The following GPR39 variants were observed in gnomAD, a reference collection of about 807,000 sequenced individuals.
GPR39 encodes G protein-coupled receptor 39.
GPR39 carries 23 observed loss-of-function variants against 18.4 expected under a neutral mutation model. That is an observed-to-expected ratio of 1.25 (90% CI 0.90 to 1.77). The LOEUF is 1.77. GPR39 is among the 40% of genes most tolerant of loss of function. The pLI is 0.00. For missense variants in GPR39, 647 were observed against 602.4 expected, an observed-to-expected ratio of 1.07 and a Z score of -0.78; for synonymous variants, 280 against 257.9, an observed-to-expected ratio of 1.09 and a Z score of -0.82.
chr2:132,514,978 G>A (rs1028792389), intron 1 of GPR39, among the ~76,000 whole-genome samples: 13 of 151,998 alleles, frequency 8.6e-5, no homozygotes, highest in African/African-American at 2.9e-4. Context: ...CAATTATTTC[G>A]AGGAAATGCA....
chr2:132,510,008 C>T (rs555453883), intron 1 of GPR39, among the ~76,000 whole-genome samples: 2 of 152,306 alleles, frequency 1.3e-5, no homozygotes, highest in East Asian at 3.9e-4. Context: ...ATTTCCCAAG[C>T]AGTAACTTTA....
At chr2:132,634,223 A>G (rs1336151844) in intron 1 of GPR39, among the ~76,000 whole-genome samples, 2 of 152,100 alleles carry the variant, frequency 1.3e-5, no homozygotes, top group Non-Finnish European at 2.9e-5. Context: ...TGAGATGGTC[A>G]TAATTGACAG....
intron 1 of GPR39, among the ~76,000 whole-genome samples, chr2:132,546,248 G>A (rs1679946525): frequency 6.6e-6 from 1 of 152,204 alleles, no homozygotes; most frequent in African/African-American, 2.4e-5. Context: ...TTGTAAGTCA[G>A]TAGGAGTGGG....
At chr2:132,422,838 G>C (rs1454404706) in intron 1 of GPR39, among the ~76,000 whole-genome samples, 1 of 151,940 alleles carries the variant, frequency 6.6e-6, no homozygotes, top group Non-Finnish European at 1.5e-5. Context: ...GAGATGCATA[G>C]TTTCCGAGGA....
chr2:132,501,125 G>T (rs1292473835), intron 1 of GPR39, among the ~76,000 whole-genome samples: 3 of 119,704 alleles, frequency 2.5e-5, no homozygotes, highest in Non-Finnish European at 5.1e-5. Context: ...CTTTTCTTCT[G>T]CTGGGTTTGG....
intron 1 of GPR39, among the ~76,000 whole-genome samples, chr2:132,634,834 C>T (rs1203225055): frequency 6.6e-6 from 1 of 152,132 alleles, no homozygotes; most frequent in Admixed American, 6.5e-5. Flanking sequence ...TTTCTGTGTC[C>T]TGTTATACCC....
intron 1 of GPR39, among the ~76,000 whole-genome samples, chr2:132,478,745 G>C (rs1681176286): frequency 6.6e-6 from 1 of 152,182 alleles, no homozygotes; most frequent in African/African-American, 2.4e-5. Flanking sequence ...TGAAGTAATT[G>C]AATATTTTTC....
intron 1 of GPR39, among the ~76,000 whole-genome samples, chr2:132,498,648 A>G (rs2104801631): frequency 6.6e-6 from 1 of 152,268 alleles, no homozygotes; most frequent in African/African-American, 2.4e-5. Context: ...AGGAATCTTC[A>G]CACTGTTTTC....
intron 1 of GPR39, among the ~76,000 whole-genome samples, chr2:132,555,608 C>T (rs1435583401): frequency 6.6e-6 from 1 of 152,156 alleles, no homozygotes; most frequent in African/African-American, 2.4e-5. Context: ...AGCTTTGATG[C>T]CTTTGATGAT....
At chr2:132,464,126 C>T (rs528543336) in intron 1 of GPR39, among the ~76,000 whole-genome samples, 11 of 152,322 alleles carry the variant, frequency 7.2e-5, no homozygotes, top group East Asian at 5.8e-4. Context: ...TTAAAAATCA[C>T]GTAGTTCTTA....
At chr2:132,438,033 T>C (rs1203964324) in intron 1 of GPR39, among the ~76,000 whole-genome samples, 1 of 152,226 alleles carries the variant, frequency 6.6e-6, no homozygotes, top group Non-Finnish European at 1.5e-5. Flanking sequence ...TTGCCAAAAG[T>C]CTGGCAACAG....
At chr2:132,581,576 G>A (rs185412187) in intron 1 of GPR39, among the ~76,000 whole-genome samples, 2 of 152,024 alleles carry the variant, frequency 1.3e-5, no homozygotes, top group East Asian at 3.9e-4. Context: ...CAACATGTGG[G>A]GCAGGCACTG....
intron 1 of GPR39, among the ~76,000 whole-genome samples, chr2:132,590,491 T>C (rs1368490056): frequency 2.6e-5 from 4 of 151,646 alleles, no homozygotes; most frequent in Non-Finnish European, 5.9e-5. Flanking sequence ...GAATGAGGAG[T>C]GGACTAGGCG....
At chr2:132,420,829 A>C (rs1465558328) in intron 1 of GPR39, among the ~76,000 whole-genome samples, 1 of 152,232 alleles carries the variant, frequency 6.6e-6, no homozygotes, top group Non-Finnish European at 1.5e-5. Context: ...GCTGGTGAAT[A>C]AGGAAAACAC....
At chr2:132,457,731 G>C (rs1184375918) in intron 1 of GPR39, among the ~76,000 whole-genome samples, 1 of 152,250 alleles carries the variant, frequency 6.6e-6, no homozygotes, top group African/African-American at 2.4e-5. Context: ...GCTATGTTTT[G>C]CCCACAGAGG....
intron 1 of GPR39, among the ~76,000 whole-genome samples, chr2:132,542,412 T>A (rs1490817887): frequency 6.6e-6 from 1 of 152,178 alleles, no homozygotes; most frequent in African/African-American, 2.4e-5. Flanking sequence ...CTCTTTAACT[T>A]CTCTGAGCCT....
At chr2:132,441,774 G>C (rs2104765418) in intron 1 of GPR39, among the ~76,000 whole-genome samples, 1 of 152,316 alleles carries the variant, frequency 6.6e-6, no homozygotes, top group Non-Finnish European at 1.5e-5. Flanking sequence ...CCTCTGAGGG[G>C]AAACTTTCTG....
intron 1 of GPR39, among the ~76,000 whole-genome samples, chr2:132,501,558 G>C (rs558517937): frequency 6.6e-6 from 1 of 152,224 alleles, no homozygotes; most frequent in South Asian, 2.1e-4. Context: ...TTCTGCAGTT[G>C]TTGGGTGGAA....
In GPR39 at chr2:132,417,884, C is replaced by G; in HGVS notation, c.842C>G (p.Thr281Ser). Residue 281 changes from threonine (T) to serine (S), a missense_variant, in exon 1 of 2, where the codon ACC becomes AGC. Thr to Ser is a moderately conservative substitution (Grantham distance 58, BLOSUM62 1). Around this residue, in one of 3 missense-constraint regions of GPR39, gnomAD observed 581 missense variants for 506.8 expected, o/e 1.15. Transcript: ENST00000329321. Reference sequence around the variant, plus strand: ...GAGAGCAGGACCGCCAGGAGGCAGACCATCATCTTCCTGAGTGAGTCCTAA... The same window carrying G: ...GAGAGCAGGACCGCCAGGAGGCAGAGCATCATCTTCCTGAGTGAGTCCTAA... The part of the protein sequence containing the change: ...SEESRTARRQ[T>S]IIFLRLIVVT... 6.3e-7 allele frequency: 1 copy of G among 1,588,818 alleles called. No homozygotes were observed. The highest frequency in any genetic ancestry group is 1.1e-5 in the South Asian group (1 of 89,580).
Sources: gnomAD v4.1 joint callset for allele counts (sites outside exome capture counted in the v4.1 genomes callset) on GRCh38, gnomAD v4.1.1 for gene constraint, gnomAD v4.1.1 regional missense constraint, MANE v1.5 for transcripts, NCBI Gene and HGNC (gene_info 2026-07-23, HGNC 2026-07-21) for gene names.